Variants in GALNT9 observed in about 807,000 individuals in gnomAD.
GALNT9 encodes the protein GalNAc transferase 9.
GALNT9 carries 47 observed loss-of-function variants against 63.1 expected under a neutral mutation model. The observed-to-expected ratio is 0.75, with a 90% CI of 0.59 to 0.95. The LOEUF (loss-of-function observed/expected upper bound fraction) is 0.95. Ranked by LOEUF, GALNT9 falls within the 40% of genes least tolerant of loss-of-function variation. GALNT9 has a pLI of 0.00. For missense variants in GALNT9, 829 were observed against 874.8 expected, an observed-to-expected ratio of 0.95 and a Z score of 0.66; for synonymous variants, 396 against 365.7, an observed-to-expected ratio of 1.08 and a Z score of -0.94.
intron 4 of GALNT9, among the ~76,000 whole-genome samples, chr12:132,258,889 G>T (rs782742470): frequency 2.0e-5 from 3 of 152,248 alleles, no homozygotes; most frequent in African/African-American, 4.8e-5. Context: ...CCCAGCCACT[G>T]GCTGACACAG....
chr12:132,228,481 CA>C (rs1877782609), intron 6 of GALNT9, among the ~76,000 whole-genome samples: 1 of 148,756 alleles, frequency 6.7e-6, no homozygotes, highest in African/African-American at 2.5e-5. Flanking sequence ...ACAGGGCGGC[CA>C]GTCAGCACCT....
At chr12:132,318,750 C>T (rs1868643618) in intron 1 of GALNT9, among the ~76,000 whole-genome samples, 1 of 152,192 alleles carries the variant, frequency 6.6e-6, no homozygotes, top group Admixed American at 6.5e-5. Context: ...CTGGCAATCC[C>T]AGCTGTGGCC....
At chr12:132,221,140 G>C (rs1184695707) in intron 6 of GALNT9, among the ~76,000 whole-genome samples, 1 of 147,230 alleles carries the variant, frequency 6.8e-6, no homozygotes, top group Non-Finnish European at 1.5e-5. Context: ...CAGATCATGA[G>C]GTCAGGAGTT....
rs1555236572 is a variant in GALNT9 at position 132,238,849 on chromosome 12, A to C, written c.1077+9061T>G. The stretch of plus-strand genomic sequence containing the variant: ...CCCAAAGGATAACTGCATGAATTTT[A>C]ACAGGAAACTCTTTATCACTGCCTT... On this transcript the variant is annotated intron_variant, in intron 6 of 10. Coordinates refer to ENST00000328957, the MANE Select transcript of GALNT9 (RefSeq NM_001122636.2). The surrounding 1 kb of genome is among the most constrained non-coding windows in gnomAD (Gnocchi z 6.5). Among the ~76,000 whole-genome samples the C allele has an allele frequency of 1.3e-5, 2 of 152,208 alleles. No individual in the cohort carries two copies. Among genetic ancestry groups the C allele is most frequent in the Non-Finnish European group, 2.9e-5 (2 of 68,042 alleles).
rs1280963963 is a variant in GALNT9 at position 132,197,084 on chromosome 12, T to G, written c.*23A>C. 6 of 1,612,710 alleles carry G rather than the reference T, an allele frequency of 3.7e-6. No homozygotes were observed. The highest frequency in any genetic ancestry group is 5.1e-6 in the Non-Finnish European group (6 of 1,179,224). On this transcript the variant is annotated 3_prime_UTR_variant, in exon 11 of 11. Transcript: ENST00000328957. Reference sequence around the variant, plus strand: ...CGGCCCAGCGCCTTCCCGAGGTCTGTGGGGGTCCGGGCGGAGGTGGGGTCA... The same window carrying G: ...CGGCCCAGCGCCTTCCCGAGGTCTGGGGGGGTCCGGGCGGAGGTGGGGTCA...
At position 132,227,641 on chromosome 12, in the gene GALNT9, GA is replaced by G. The variant is rs1877749108; in HGVS notation, c.1077+20268del. 2.0e-5 allele frequency among the ~76,000 whole-genome samples: 3 copies of G among 152,196 alleles called. No individual in the cohort carries two copies. In the South Asian group the frequency reaches 6.2e-4, roughly 31 times the overall value. The stretch of plus-strand genomic sequence containing the variant: ...TGTTTAAGGAATGTCTGCACGTGAT[GA>G]AAATTAGCATGCTTGCTGTATCCCA... On this transcript the variant is annotated intron_variant, in intron 6 of 10. Transcript: ENST00000328957.
At chr12:132,254,491 T>A (rs896720457) in intron 5 of GALNT9, among the ~76,000 whole-genome samples, 1 of 152,182 alleles carries the variant, frequency 6.6e-6, no homozygotes, top group East Asian at 1.9e-4. Context: ...CTGACAGGGC[T>A]CATGTCTCTG....
intron 5 of GALNT9, among the ~76,000 whole-genome samples, chr12:132,257,438 GTCCCCATGCCCTCA>G: frequency 6.7e-6 from 1 of 148,402 alleles, no homozygotes. Flanking sequence ...CCCAGCCCTC[GTCCCCATGCCCTCA>G]TCCCCGGCCC....
intron 2 of GALNT9, chr12:132,284,213 A>C (rs1555241944): frequency 6.6e-6 from 1 of 150,574 alleles, no homozygotes; most frequent in Admixed American, 6.6e-5. Context: ...ACGTGCACAC[A>C]CAGACTCCTG....
At chr12:132,281,914 C>A (rs56283604) in intron 2 of GALNT9, among the ~76,000 whole-genome samples, 4 of 127,156 alleles carry the variant, frequency 3.1e-5, no homozygotes, top group African/African-American at 1.5e-4. Flanking sequence ...TGGGGGTCCC[C>A]GATCCCACAG....
intron 6 of GALNT9, among the ~76,000 whole-genome samples, chr12:132,239,319 CTGAGAGAGAG>C (rs1878125390): frequency 1.4e-5 from 1 of 70,478 alleles, no homozygotes; most frequent in Non-Finnish European, 2.5e-5. Context: ...CACTGAGAGA[CTGAGAGAGAG>C]AGACAGAGTC....
At chr12:132,318,649 G>A (rs552304807) in intron 1 of GALNT9, among the ~76,000 whole-genome samples, 6 of 152,360 alleles carry the variant, frequency 3.9e-5, no homozygotes, top group Admixed American at 2.0e-4. Context: ...TGTGCACCCC[G>A]ACTGACCTCC....
chr12:132,222,251 C>G (rs972712355), intron 6 of GALNT9, among the ~76,000 whole-genome samples: 1 of 152,126 alleles, frequency 6.6e-6, no homozygotes, highest in Non-Finnish European at 1.5e-5. Context: ...ACAGGCTTCC[C>G]TAAGAACGAC....
chr12:132,240,769 T>A (rs2136899456), intron 6 of GALNT9: 2 of 454,832 alleles, frequency 4.4e-6, no homozygotes, highest in African/African-American at 2.0e-5. Context: ...AGAATTGGAA[T>A]GTGCAGTATG....
intron 6 of GALNT9, among the ~76,000 whole-genome samples, chr12:132,226,346 T>G (rs1340915252): frequency 7.3e-6 from 1 of 136,386 alleles, no homozygotes; most frequent in Non-Finnish European, 1.6e-5. Context: ...CATACATCCC[T>G]TATACCCCAT....
At chr12:132,225,597 T>A (rs1360055146) in intron 6 of GALNT9, among the ~76,000 whole-genome samples, 2 of 123,656 alleles carry the variant, frequency 1.6e-5, no homozygotes, top group Non-Finnish European at 3.3e-5. Context: ...ACATTCTATA[T>A]ATACACACCC....
Position 132,329,198 on chromosome 12 carries a change from C to A in GALNT9, c.6G>T (p.Ala2=). 1 of 1,546,322 alleles carries A rather than the reference C, an allele frequency of 6.5e-7. No individual in the cohort carries two copies. The highest frequency in any genetic ancestry group is 8.7e-7 in the Non-Finnish European group (1 of 1,144,288). M[A]VARKIRTLLT... is the part of the protein sequence containing the mutation. Reference sequence around the variant, plus strand: ...GCAAAGTTCGGATCTTCCTGGCCACCGCCATGAACACGGCTGCAGCGGGGG... The same window carrying A: ...GCAAAGTTCGGATCTTCCTGGCCACAGCCATGAACACGGCTGCAGCGGGGG... Residue 2 remains alanine, a synonymous_variant, in exon 1 of 11, where the codon GCG becomes GCT. Coordinates refer to ENST00000328957, the MANE Select transcript of GALNT9 (RefSeq NM_001122636.2).
In GALNT9 at chr12:132,271,658, G is replaced by A. The variant is rs1294934346; in HGVS notation, c.420-9033C>T. 1.1e-4 allele frequency among the ~76,000 whole-genome samples: 17 copies of A among 152,286 alleles called. No homozygotes were observed. In the East Asian group the frequency reaches 2.1e-3, roughly 19 times the overall value. ...ACGGCGTTGGGGCAGCTGTGGCCTCGTGCCTTGCCGTGATGCTCCGGCATG... is the reference window on the plus strand; with the variant it reads ...ACGGCGTTGGGGCAGCTGTGGCCTCATGCCTTGCCGTGATGCTCCGGCATG... On this transcript the variant is annotated intron_variant, in intron 2 of 10. Transcript: ENST00000328957.
At chr12:132,318,025 G>T (rs1413982332) in intron 1 of GALNT9, among the ~76,000 whole-genome samples, 1 of 152,170 alleles carries the variant, frequency 6.6e-6, no homozygotes, top group East Asian at 1.9e-4. Flanking sequence ...TGGATCACTT[G>T]AGCTCAGGAG....
Sources: allele counts gnomAD v4.1 joint callset (sites outside exome capture counted in the v4.1 genomes callset), GRCh38; gene constraint gnomAD v4.1.1; non-coding constraint Gnocchi (gnomAD v3.1); transcripts MANE v1.5; gene names NCBI Gene and HGNC (gene_info 2026-07-23, HGNC 2026-07-21).